The following CACNG3 variants were observed in gnomAD, a reference collection of about 807,000 sequenced individuals.
CACNG3 encodes the protein calcium voltage-gated channel auxiliary subunit gamma 3.
Under a neutral mutation model 28.5 loss-of-function variants are expected in CACNG3, and 3 were observed. The ratio of observed to expected loss-of-function variants is 0.11; its 90% confidence interval spans 0.05 to 0.27. The LOEUF is 0.27. Among genes scored for constraint, CACNG3 ranks in the 10% least tolerant of loss-of-function variants. The pLI, the probability that CACNG3 is intolerant of heterozygous loss-of-function variation, is 1.00. For missense variants in CACNG3, 236 were observed against 414.4 expected, an observed-to-expected ratio of 0.57 and a Z score of 3.74; for synonymous variants, 174 against 162.2, an observed-to-expected ratio of 1.07 and a Z score of -0.55.
chr16:24,338,223 A>G (rs1405153670), intron 1 of CACNG3, among the ~76,000 whole-genome samples: 1 of 152,014 alleles, frequency 6.6e-6, no homozygotes, highest in Non-Finnish European at 1.5e-5. Context: ...CTCTTTTTTC[A>G]GGTCTGAGCT....
At chr16:24,341,369 T>C (rs192212432) in intron 1 of CACNG3, among the ~76,000 whole-genome samples, 1 of 150,912 alleles carries the variant, frequency 6.6e-6, no homozygotes, top group African/African-American at 2.4e-5. Flanking sequence ...CTATATTGCT[T>C]CTTAAAATCT....
chr16:24,322,593 GA>G (rs889805513), intron 1 of CACNG3, among the ~76,000 whole-genome samples: 12 of 150,438 alleles, frequency 8.0e-5, no homozygotes, highest in African/African-American at 2.4e-4. Context: ...GAGCCAAAAA[GA>G]AAAAAAAAGT....
At chr16:24,273,729 G>A (rs1385050881) in intron 1 of CACNG3, among the ~76,000 whole-genome samples, 1 of 152,114 alleles carries the variant, frequency 6.6e-6, no homozygotes, top group Non-Finnish European at 1.5e-5. Flanking sequence ...TGTCCAAATG[G>A]AGTTGCCTAA....
chr16:24,346,757 A>C lies in CACNG3; in HGVS notation c.235A>C (p.Lys79Gln). 1 of 1,614,152 alleles carries C rather than the reference A, an allele frequency of 6.2e-7. No homozygotes were observed. The highest frequency in any genetic ancestry group is 8.5e-7 in the Non-Finnish European group (1 of 1,179,972). ...AGGGGCTTTCCGAGGCGTGTGCAAGAAAATCGATCACTTCCCTGAAGATGC... is the reference window on the plus strand; with the variant it reads ...AGGGGCTTTCCGAGGCGTGTGCAAGCAAATCGATCACTTCCCTGAAGATGC... Reference protein sequence around the residue: ...LEGAFRGVCKKIDHFPEDADY... With the variant: ...LEGAFRGVCKQIDHFPEDADY... Residue 79 changes from lysine to glutamine, a missense_variant, in exon 2 of 4, where the codon AAA (lysine) becomes CAA (glutamine). Physicochemically the swap from Lys to Gln is moderately conservative, Grantham distance 53. Coordinates refer to ENST00000005284, the MANE Select transcript of CACNG3 (RefSeq NM_006539.4).
At chr16:24,359,923 A>C (rs1204195111) in intron 3 of CACNG3, among the ~76,000 whole-genome samples, 3 of 152,194 alleles carry the variant, frequency 2.0e-5, no homozygotes, top group Non-Finnish European at 4.4e-5. Context: ...TGCACCAGCT[A>C]AGCAGAAGGG....
At chr16:24,308,861 AAAAAAAGAAAAG>A in intron 1 of CACNG3, among the ~76,000 whole-genome samples, 2 of 149,500 alleles carry the variant, frequency 1.3e-5, no homozygotes, top group Non-Finnish European at 1.5e-5. Context: ...AAAAAAAAAA[AAAAAAAGAAAAG>A]AAAAAAGAAA....
chr16:24,266,474 C>A (rs746160940), intron 1 of CACNG3, among the ~76,000 whole-genome samples: 8 of 151,980 alleles, frequency 5.3e-5, no homozygotes, highest in Non-Finnish European at 8.8e-5. Flanking sequence ...TTAGGGTCAT[C>A]CAAACATAGA....
intron 1 of CACNG3, among the ~76,000 whole-genome samples, chr16:24,321,915 G>A (rs1222912312): frequency 6.6e-6 from 1 of 152,130 alleles, no homozygotes. Context: ...GGTACGTAGA[G>A]GAAAAATCAG....
At chr16:24,274,193 A>C (rs1000003394) in intron 1 of CACNG3, among the ~76,000 whole-genome samples, 1 of 146,918 alleles carries the variant, frequency 6.8e-6, no homozygotes, top group Non-Finnish European at 1.5e-5. Flanking sequence ...TCTCAAAAAA[A>C]AAAAAAACAA....
chr16:24,257,219 A>G (rs1898470967), intron 1 of CACNG3, among the ~76,000 whole-genome samples: 1 of 151,920 alleles, frequency 6.6e-6, no homozygotes. Flanking sequence ...TCTGCAGTTT[A>G]GAAAAGTCTT....
At chr16:24,324,789 T>C (rs954530682) in intron 1 of CACNG3, among the ~76,000 whole-genome samples, 6 of 152,084 alleles carry the variant, frequency 3.9e-5, no homozygotes, top group Admixed American at 3.3e-4. Context: ...GTCTCTTCTG[T>C]TCCTCCATGC....
In CACNG3 at chr16:24,289,892, A is replaced by G. The variant is rs77098020; in HGVS notation, c.211+32927A>G. Among the ~76,000 whole-genome samples, 232 of 152,366 alleles carry G rather than the reference A, an allele frequency of 1.5e-3. 1 individual carries two copies. The highest frequency in any genetic ancestry group is 4.4e-3 in the African/African-American group (184 of 41,592). On this transcript the variant is annotated intron_variant, in intron 1 of 3. Coordinates refer to ENST00000005284, the MANE Select transcript of CACNG3 (RefSeq NM_006539.4). ...CCCTAGAACAGTGCTAAGAATATGAAAAACTTTCAGTAATGTTGGCTATTA... is the reference window on the plus strand; with the variant it reads ...CCCTAGAACAGTGCTAAGAATATGAGAAACTTTCAGTAATGTTGGCTATTA...
intron 3 of CACNG3, among the ~76,000 whole-genome samples, chr16:24,355,838 C>T (rs1470692315): frequency 6.6e-6 from 1 of 152,172 alleles, no homozygotes; most frequent in Non-Finnish European, 1.5e-5. Flanking sequence ...ATCCTCATAT[C>T]ATTCCAAGCA....
chr16:24,316,027 G>T (rs1899347565), intron 1 of CACNG3, among the ~76,000 whole-genome samples: 1 of 152,072 alleles, frequency 6.6e-6, no homozygotes, highest in Non-Finnish European at 1.5e-5. Context: ...GCACTTCACA[G>T]ATATTGTCTC....
At chr16:24,337,690 A>G (rs1469854001) in intron 1 of CACNG3, among the ~76,000 whole-genome samples, 2 of 151,680 alleles carry the variant, frequency 1.3e-5, no homozygotes, top group East Asian at 3.9e-4. Flanking sequence ...AAATTAAAAA[A>G]TAGTTAAAAA....
chr16:24,312,976 A>AAGAG (rs1567216153), intron 1 of CACNG3, among the ~76,000 whole-genome samples: 1 of 139,068 alleles, frequency 7.2e-6, no homozygotes, highest in African/African-American at 2.7e-5. Flanking sequence ...AAAAGAAAGA[A>AAGAG]AGAAATAAAA....
At chr16:24,268,910 C>T (rs565191005) in intron 1 of CACNG3, among the ~76,000 whole-genome samples, 1 of 152,292 alleles carries the variant, frequency 6.6e-6, no homozygotes, top group South Asian at 2.1e-4. Flanking sequence ...ATCCTCAACT[C>T]CAGGTTTTGG....
intron 1 of CACNG3, among the ~76,000 whole-genome samples, chr16:24,344,314 C>T (rs1033268815): frequency 2.0e-5 from 3 of 151,434 alleles, no homozygotes; most frequent in African/African-American, 7.3e-5. Flanking sequence ...GAGGCTGTGG[C>T]ACAAGAATCG....
chr16:24,274,475 T>A (rs1309674822), intron 1 of CACNG3, among the ~76,000 whole-genome samples: 1 of 152,228 alleles, frequency 6.6e-6, no homozygotes, highest in Non-Finnish European at 1.5e-5. Flanking sequence ...CAGAATCTAC[T>A]CATCTGCATT....
Sources: allele counts gnomAD v4.1 joint callset (sites outside exome capture counted in the v4.1 genomes callset), GRCh38; gene constraint gnomAD v4.1.1; transcripts MANE v1.5; gene names NCBI Gene and HGNC (gene_info 2026-07-23, HGNC 2026-07-21).